SATB2: variants seen among roughly 807,000 people sequenced by gnomAD.
The protein encoded by SATB2 is SATB homeobox 2.
A neutral mutation model predicts 73.4 loss-of-function variants in SATB2; 1 was observed. The observed-to-expected ratio is 0.01, with a 90% CI of 0.00 to 0.06. SATB2 has a LOEUF of 0.06. Ranked by LOEUF, SATB2 falls within the 10% of genes least tolerant of loss-of-function variation. The pLI, the probability that SATB2 is intolerant of heterozygous loss-of-function variation, is 1.00. For missense variants in SATB2, 459 were observed against 945.8 expected (o/e 0.49, Z 6.75); for synonymous variants, 397 against 367.0 (o/e 1.08, Z -0.93).
intron 6 of SATB2, among the ~76,000 whole-genome samples, chr2:199,361,656 A>G (rs1689140745): frequency 6.6e-6 from 1 of 151,928 alleles, no homozygotes; most frequent in Non-Finnish European, 1.5e-5. Context: ...AAAATACGTC[A>G]ACTGGGCTTT....
Position 199,386,704 on chromosome 2 carries a change from GCGCGCGCGCGCGCACACACA to G in SATB2, c.347-4904_347-4885del, listed in dbSNP as rs1368709244. ...TTCATACACGTGCGCAAGCGCGCGC[GCGCGCGCGCGCGCACACACA>G]CACACACACACACACACACACACAC... On this transcript the variant is annotated intron_variant, in intron 3 of 10. Transcript: ENST00000417098. 5.5e-3 allele frequency among the ~76,000 whole-genome samples: 335 copies of G among 60,780 alleles called. 3 individuals are homozygous for G. The highest frequency in any genetic ancestry group is 6.8e-3 in the Admixed American group (40 of 5,876). The allele number at this position is 60,780 out of a possible 152,430, so 39.9% of individuals were successfully genotyped here. A position where few individuals can be genotyped will look rare whatever the true frequency, so the allele number is the denominator to read the frequency against.
At chr2:199,399,311 T>C (rs1037782942) in intron 3 of SATB2, among the ~76,000 whole-genome samples, 4 of 152,272 alleles carry the variant, frequency 2.6e-5, no homozygotes, top group African/African-American at 9.6e-5. Flanking sequence ...TAAAAGATTT[T>C]ACAAAGTAGA....
At position 199,421,627 on chromosome 2, in the gene SATB2, G is replaced by A. The variant is rs534756173; in HGVS notation, c.346+11711C>T. Among the ~76,000 whole-genome samples, 18 of 152,232 alleles carry A rather than the reference G, an allele frequency of 1.2e-4. No individual in the cohort carries two copies. The South Asian group carries it at 3.5e-3, about 30-fold the overall frequency. On this transcript the variant is annotated intron_variant, in intron 3 of 10. Transcript: ENST00000417098. The stretch of plus-strand genomic sequence containing the variant: ...CTAGTAAGCAGTCAGTAACCAACCC[G>A]CACAATACTGCGTGTATGTTTTGTA...
intron 7 of SATB2, among the ~76,000 whole-genome samples, chr2:199,345,655 C>A (rs1193634151): frequency 1.3e-5 from 2 of 152,170 alleles, no homozygotes; most frequent in Non-Finnish European, 2.9e-5. Flanking sequence ...CACTTTCTGT[C>A]CATTTTATTT....
intron 10 of SATB2, among the ~76,000 whole-genome samples, chr2:199,281,830 C>A (rs1320240640): frequency 2.6e-5 from 4 of 151,594 alleles, no homozygotes; most frequent in Non-Finnish European, 5.9e-5. Context: ...GCCTGGGACA[C>A]AATTAGTGCT....
chr2:199,431,308 G>T (rs1233665233), intron 3 of SATB2, among the ~76,000 whole-genome samples: 2 of 152,126 alleles, frequency 1.3e-5, no homozygotes, highest in African/African-American at 2.4e-5. Context: ...TGAAGACAAT[G>T]ATCTAATATA....
At position 199,457,632 on chromosome 2, in the gene SATB2, C is replaced by T. The variant is rs1692326647; in HGVS notation, c.-353G>A. On this transcript the variant is annotated 5_prime_UTR_variant, in exon 1 of 11. Transcript: ENST00000417098. This position sits in a 1 kb window ranked among gnomAD's most constrained non-coding sequence, Gnocchi z 4.8. Reference sequence around the variant, plus strand: ...ACACCCGAGCGAGCGGGGGAGGGGACGGCGGAGGAGGGGGGAAGAGAAGGA... The same window carrying T: ...ACACCCGAGCGAGCGGGGGAGGGGATGGCGGAGGAGGGGGGAAGAGAAGGA... The T allele has an allele frequency of 1.3e-5, 2 of 149,664 alleles. No homozygotes were observed. The highest frequency in any genetic ancestry group is 2.5e-5 in the African/African-American group (1 of 40,112). The allele number at this position is 149,664 out of a possible 1,614,324, so 9.3% of individuals were successfully genotyped here.
At chr2:199,324,190 G>A (rs1318717091) in intron 8 of SATB2, among the ~76,000 whole-genome samples, 2 of 152,040 alleles carry the variant, frequency 1.3e-5, no homozygotes, top group Non-Finnish European at 2.9e-5. Context: ...CATCCCAGAC[G>A]AAGGTTCACA....
chr2:199,443,290 G>A (rs952330497), intron 2 of SATB2, among the ~76,000 whole-genome samples: 3 of 151,814 alleles, frequency 2.0e-5, no homozygotes, highest in Admixed American at 2.0e-4. Context: ...TAGTGTTAAG[G>A]AAAGGTTAAC....
chr2:199,427,742 T>TA (rs1691379827), intron 3 of SATB2, among the ~76,000 whole-genome samples: 1 of 152,038 alleles, frequency 6.6e-6, no homozygotes, highest in Non-Finnish European at 1.5e-5. Context: ...CATGTTTCCA[T>TA]AAAAAATGAT....
At position 199,402,511 on chromosome 2, in the gene SATB2, C is replaced by T. The variant is rs1020743718; in HGVS notation, c.347-20691G>A. ...GGTGGAGGTTGCAGTGAGCTGAGAT[C>T]GAGATCGTAGCACTGCACTCCAGCC... On this transcript the variant is annotated intron_variant, in intron 3 of 10. Transcript: ENST00000417098. Among the ~76,000 whole-genome samples the T allele has an allele frequency of 2.0e-5, 3 of 152,214 alleles. 1 individual carries two copies. The highest frequency in any genetic ancestry group is 2.0e-4 in the Admixed American group (3 of 15,286).
In SATB2 at chr2:199,433,469, G is replaced by T. The variant is rs755238845; in HGVS notation, c.215C>A (p.Ser72Tyr). The part of the protein sequence containing the change: ...VFCVVEQLDG[S>Y]LEYDNREEHA... ...TTCTTCTCTGTTGTCATATTCAAGAGAGCCGTCCAACTGCTCCACGACACA... is the reference window on the plus strand; with the variant it reads ...TTCTTCTCTGTTGTCATATTCAAGATAGCCGTCCAACTGCTCCACGACACA... Residue 72 changes from serine (S) to tyrosine (Y), a missense_variant, in exon 3 of 11, where the codon TCT becomes TAT. Physicochemically the swap from Ser to Tyr is moderately radical, Grantham distance 144 (BLOSUM62 -2). Transcript: ENST00000417098. The T allele has an allele frequency of 6.2e-7, 1 of 1,614,140 alleles. No individual in the cohort carries two copies. The highest frequency in any genetic ancestry group is 1.1e-5 in the South Asian group (1 of 91,078).
chr2:199,432,330 T>C (rs1414515855), intron 3 of SATB2, among the ~76,000 whole-genome samples: 2 of 152,262 alleles, frequency 1.3e-5, no homozygotes, highest in Non-Finnish European at 2.9e-5. Context: ...TTAAATCCCT[T>C]GGTCACCACA....
intron 6 of SATB2, among the ~76,000 whole-genome samples, chr2:199,351,238 T>C (rs1688810538): frequency 1.3e-5 from 2 of 151,258 alleles, no homozygotes; most frequent in South Asian, 4.2e-4. Flanking sequence ...CTCAGCTCAC[T>C]GCAGCCTCTG....
intron 3 of SATB2, among the ~76,000 whole-genome samples, chr2:199,408,974 C>T (rs1003928949): frequency 7.2e-5 from 11 of 151,956 alleles, no homozygotes; most frequent in Non-Finnish European, 1.5e-4. Flanking sequence ...TATGGCTCTA[C>T]GATAATCCCA....
intron 3 of SATB2, among the ~76,000 whole-genome samples, chr2:199,409,263 G>T (rs925947631): frequency 7.0e-6 from 1 of 143,862 alleles, no homozygotes; most frequent in Non-Finnish European, 1.5e-5. Context: ...TCCGCCTCCC[G>T]GGTTCAAGCA....
chr2:199,442,889 G>T (rs544162252), intron 2 of SATB2, among the ~76,000 whole-genome samples: 2 of 152,106 alleles, frequency 1.3e-5, no homozygotes, highest in African/African-American at 4.8e-5. Context: ...TTCTTTTTAC[G>T]ATAGGTTAAA....
At chr2:199,386,427 T>C (rs893565675) in intron 3 of SATB2, among the ~76,000 whole-genome samples, 3 of 152,110 alleles carry the variant, frequency 2.0e-5, no homozygotes, top group African/African-American at 7.2e-5. Context: ...CTAGTTACAA[T>C]TACAACAGCC....
At chr2:199,293,993 T>TC (rs376356157) in intron 10 of SATB2, among the ~76,000 whole-genome samples, 160 of 152,076 alleles carry the variant, frequency 1.1e-3, no homozygotes, top group Non-Finnish European at 1.9e-3. Flanking sequence ...TTTTTAATGC[T>TC]CCCCCCCAAC....
Sources: gnomAD v4.1 joint callset for allele counts (sites outside exome capture counted in the v4.1 genomes callset) on GRCh38, gnomAD v4.1.1 for gene constraint, Gnocchi (gnomAD v3.1) non-coding constraint, MANE v1.5 for transcripts, NCBI Gene and HGNC (gene_info 2026-07-23, HGNC 2026-07-21) for gene names.